Variants in COL6A6 observed in about 807,000 individuals in gnomAD.
COL6A6 encodes the protein collagen type VI alpha 6 chain.
Under a neutral mutation model 208.6 loss-of-function variants are expected in COL6A6, and 183 were observed. That is an observed-to-expected ratio of 0.88 (90% CI 0.78 to 0.99). The LOEUF (loss-of-function observed/expected upper bound fraction) is 0.99, where lower values mean the gene tolerates loss of function less well. Ranked by LOEUF, COL6A6 falls within the 50% of genes least tolerant of loss-of-function variation. The probability of loss-of-function intolerance (pLI) is 0.00; values close to 1 mark genes in which losing one functional copy is unlikely to be tolerated. For missense variants in COL6A6, 2,816 were observed against 2,815.2 expected (o/e 1.00, Z -0.01); for synonymous variants, 973 against 1,011.8 (o/e 0.96, Z 0.73).
intron 28 of COL6A6, among the ~76,000 whole-genome samples, chr3:130,637,371 T>A (rs577038495): frequency 1.1e-4 from 17 of 151,710 alleles, no homozygotes; most frequent in African/African-American, 3.9e-4. Context: ...CATGGTTGGA[T>A]CCCTCCCCAC....
chr3:130,542,315 G>A (rs915227612), intron 1 of COL6A6, among the ~76,000 whole-genome samples: 3 of 150,206 alleles, frequency 2.0e-5, no homozygotes, highest in South Asian at 4.2e-4. Flanking sequence ...TTGTTTTATC[G>A]CCATGTGTTT....
chr3:130,539,967 C>T (rs1363191766), intron 1 of COL6A6, among the ~76,000 whole-genome samples: 1 of 152,144 alleles, frequency 6.6e-6, no homozygotes, highest in Non-Finnish European at 1.5e-5. Flanking sequence ...TTAATTCTAA[C>T]CCACAGTTCA....
chr3:130,575,471 A>G (rs2063273573), intron 8 of COL6A6, among the ~76,000 whole-genome samples: 1 of 152,230 alleles, frequency 6.6e-6, no homozygotes. Flanking sequence ...CTTTCAGGAA[A>G]TAAAAGAACC....
At position 130,568,099 on chromosome 3, in the gene COL6A6, T is replaced by A. The variant is rs1255858976; in HGVS notation, c.1896T>A (p.Ser632Arg). ...TGTTTCTGGTGGACAGTTCTGGAAG[T>A]ATAGGACCTGAAAACTTCAGCAAAA... The part of the protein sequence containing the change: ...DIMFLVDSSG[S>R]IGPENFSKMK... Residue 632 changes from serine (S) to arginine (R), a missense_variant, in exon 6 of 37, where the codon AGT becomes AGA. By Grantham distance (110) the Ser-to-Arg change is moderately radical (BLOSUM62 -1). Transcript: ENST00000358511. The A allele has an allele frequency of 6.2e-7, 1 of 1,613,992 alleles. No homozygotes were observed. The highest frequency in any genetic ancestry group is 8.5e-7 in the Non-Finnish European group (1 of 1,179,878).
chr3:130,526,317 T>C (rs965857208), intron 1 of COL6A6, among the ~76,000 whole-genome samples: 6 of 151,946 alleles, frequency 3.9e-5, no homozygotes, highest in African/African-American at 1.5e-4. Context: ...TTTGGGCTTG[T>C]TCATGGAATG....
intron 28 of COL6A6, among the ~76,000 whole-genome samples, chr3:130,638,434 C>T (rs1256757878): frequency 6.6e-6 from 1 of 152,222 alleles, no homozygotes; most frequent in African/African-American, 2.4e-5. Flanking sequence ...CAACCTGACC[C>T]ACCTGATGGA....
rs770456089 is a variant in COL6A6, at chr3:130,566,690, A to G, written c.1283-12A>G. ...CTCAAATGCCACATGCAACTTATTG[A>G]TTCCTTTTTAGGTTGTGTGGACACT... On this transcript the variant is annotated splice_polypyrimidine_tract_variant and intron_variant, in intron 4 of 36. Coordinates refer to ENST00000358511, the MANE Select transcript of COL6A6 (RefSeq NM_001102608.3). 1 of 1,571,098 alleles carries G rather than the reference A, an allele frequency of 6.4e-7. No homozygotes were observed. The highest frequency in any genetic ancestry group is 1.2e-5 in the South Asian group (1 of 85,272).
Position 130,662,029 on chromosome 3 carries a change from A to G in COL6A6, c.6223A>G (p.Ser2075Gly), listed in dbSNP as rs750778096. 5.6e-6 allele frequency: 9 copies of G among 1,613,912 alleles called. No homozygotes were observed. Among genetic ancestry groups the G allele is most frequent in the Non-Finnish European group, 7.6e-6 (9 of 1,179,834 alleles). The change falls in exon 35 of 37, where the codon AGT (serine) becomes GGT (glycine). Residue 2075 changes from serine (S) to glycine (G), a missense_variant. Coordinates refer to ENST00000358511, the MANE Select transcript of COL6A6 (RefSeq NM_001102608.3). Reference sequence around the variant, plus strand: ...GTGGACTCTGGACAATGTATTTTTAAGTACACCCAATCTGAGAAGAAACAA... The same window carrying G: ...GTGGACTCTGGACAATGTATTTTTAGGTACACCCAATCTGAGAAGAAACAA... The part of the protein sequence containing the change: ...LQWTLDNVFL[S>G]TPNLRRNKVI...
chr3:130,587,786 T>A (rs1411533445), intron 11 of COL6A6, among the ~76,000 whole-genome samples: 1 of 152,254 alleles, frequency 6.6e-6, no homozygotes, highest in African/African-American at 2.4e-5. Flanking sequence ...GTTGTAATTA[T>A]GTAAAAATAA....
intron 1 of COL6A6, among the ~76,000 whole-genome samples, chr3:130,553,594 C>G (rs2062697256): frequency 1.3e-5 from 2 of 151,654 alleles, no homozygotes; most frequent in Non-Finnish European, 1.5e-5. Context: ...TTTTGACTCT[C>G]TCTCTGAATC....
intron 26 of COL6A6, 128 bp from the exon 27 acceptor site, chr3:130,634,462 C>A: frequency 1.3e-6 from 1 of 742,468 alleles, no homozygotes; most frequent in Non-Finnish European, 2.3e-6. Flanking sequence ...TTCCAGATTT[C>A]AATTGTTTTG....
intron 23 of COL6A6, among the ~76,000 whole-genome samples, chr3:130,615,941 A>G (rs1418580473): frequency 6.6e-6 from 1 of 152,182 alleles, no homozygotes; most frequent in East Asian, 1.9e-4. Flanking sequence ...TGGCATTGTC[A>G]GAGTTAGTCA....
chr3:130,611,042 C>T (rs894642330), intron 23 of COL6A6, among the ~76,000 whole-genome samples: 3 of 152,136 alleles, frequency 2.0e-5, no homozygotes, highest in African/African-American at 7.2e-5. Context: ...TAGTAGTCCT[C>T]AAACTGGCTA....
At chr3:130,638,351 T>C (rs1218347863) in intron 28 of COL6A6, among the ~76,000 whole-genome samples, 1 of 152,224 alleles carries the variant, frequency 6.6e-6, no homozygotes, top group Admixed American at 6.5e-5. Flanking sequence ...GATTTTCCCT[T>C]ATCTAAATCC....
At chr3:130,663,554 G>T (rs1363221343) in intron 35 of COL6A6, among the ~76,000 whole-genome samples, 3 of 152,076 alleles carry the variant, frequency 2.0e-5, no homozygotes, top group Non-Finnish European at 4.4e-5. Context: ...GCATTTGTAA[G>T]GGTAAAAAAA....
chr3:130,650,287 G>T (rs73198102), intron 33 of COL6A6, among the ~76,000 whole-genome samples: 32,558 of 151,806 alleles, frequency 0.21, 4,966 homozygotes, highest in African/African-American at 0.43. Flanking sequence ...GACCGTGAAG[G>T]GGGGGGCCAG....
chr3:130,673,168 G>A, intron 36 of COL6A6, among the ~76,000 whole-genome samples: 1 of 114,036 alleles, frequency 8.8e-6, no homozygotes, highest in Non-Finnish European at 1.6e-5. Context: ...GACAGAGCAA[G>A]ACTCTATCTC....
At chr3:130,525,890 C>A (rs1484575123) in intron 1 of COL6A6, among the ~76,000 whole-genome samples, 2 of 152,172 alleles carry the variant, frequency 1.3e-5, no homozygotes. Context: ...AAACAGCATT[C>A]CCTCAAAGAA....
intron 23 of COL6A6, among the ~76,000 whole-genome samples, chr3:130,615,856 G>GAGCACGTCTGTGAATGAGTACCCTTTA (rs2064502201): frequency 6.6e-6 from 1 of 152,162 alleles, no homozygotes; most frequent in Non-Finnish European, 1.5e-5. Context: ...TGGCTGTGCA[G>GAGCACGTCTGTGAATGAGTACCCTTTA]AGCACGTCTG....
Sources: allele counts gnomAD v4.1 joint callset (sites outside exome capture counted in the v4.1 genomes callset), GRCh38; gene constraint gnomAD v4.1.1; transcripts MANE v1.5; gene names NCBI Gene and HGNC (gene_info 2026-07-23, HGNC 2026-07-21).